TRIO: variants seen among roughly 807,000 people sequenced by gnomAD.
The protein encoded by TRIO is triple functional domain protein.
A neutral mutation model predicts 351.9 loss-of-function variants in TRIO; 58 were observed. The ratio of observed to expected loss-of-function variants is 0.16; its 90% CI spans 0.13 to 0.21. TRIO has a LOEUF of 0.21. Among genes scored for constraint, TRIO ranks in the 10% least tolerant of loss-of-function variants. The probability of loss-of-function intolerance (pLI) is 1.00; values close to 1 mark genes in which losing one functional copy is unlikely to be tolerated. For synonymous variants in TRIO, 1,758 were observed against 1,595.7 expected, an observed-to-expected ratio of 1.10 and a Z score of -2.42; for missense variants, 3,201 against 4,027.8, an observed-to-expected ratio of 0.79 and a Z score of 5.56.
Position 14,381,231 on chromosome 5 carries a change from G to A in TRIO, c.3549G>A (p.Glu1183=). 6.2e-7 allele frequency: 1 copy of A among 1,612,944 alleles called. No homozygotes were observed. Among genetic ancestry groups the A allele is most frequent in the Non-Finnish European group, 8.5e-7 (1 of 1,179,654 alleles). The part of the protein sequence containing the change: ...QHTQELLKEH[E]EFQITAKQTK... ...CCCAGGAGCTCCTGAAAGAGCACGAGGAGTTCCAGATAACTGCAAAGGTGG... is the reference window on the plus strand; with the variant it reads ...CCCAGGAGCTCCTGAAAGAGCACGAAGAGTTCCAGATAACTGCAAAGGTGG... Residue 1183 remains glutamate, a synonymous_variant, in exon 21 of 57, where the codon GAG becomes GAA. Coordinates refer to ENST00000344204, the MANE Select transcript of TRIO (RefSeq NM_007118.4).
intron 1 of TRIO, among the ~76,000 whole-genome samples, chr5:14,216,943 G>C (rs941221106): frequency 1.3e-5 from 2 of 152,216 alleles, no homozygotes; most frequent in African/African-American, 4.8e-5. Context: ...CCAGAGCCAG[G>C]CTCTTAACTG....
At chr5:14,375,698 G>GC in intron 19 of TRIO, among the ~76,000 whole-genome samples, 1 of 152,180 alleles carries the variant, frequency 6.6e-6, no homozygotes, top group East Asian at 1.9e-4. Flanking sequence ...GCTTGAGGAA[G>GC]CCCCGTATCC....
intron 23 of TRIO, among the ~76,000 whole-genome samples, chr5:14,388,276 G>A (rs531852541): frequency 6.6e-6 from 1 of 152,282 alleles, no homozygotes; most frequent in East Asian, 1.9e-4. Context: ...TCACAGTGGG[G>A]AGGGGGAGGG....
intron 11 of TRIO, among the ~76,000 whole-genome samples, chr5:14,341,514 G>C (rs1326131597): frequency 6.6e-6 from 1 of 152,206 alleles, no homozygotes; most frequent in East Asian, 1.9e-4. Context: ...CAGATACTCA[G>C]TGAAAGCCTG....
At chr5:14,277,184 G>A (rs1735599990) in intron 2 of TRIO, among the ~76,000 whole-genome samples, 1 of 152,208 alleles carries the variant, frequency 6.6e-6, no homozygotes, top group South Asian at 2.1e-4. Context: ...TGTTCTAGTG[G>A]AGGAGACAGA....
intron 11 of TRIO, among the ~76,000 whole-genome samples, chr5:14,354,605 A>T (rs1038887697): frequency 1.3e-5 from 2 of 152,188 alleles, no homozygotes; most frequent in African/African-American, 2.4e-5. Flanking sequence ...GGGCTGCAGG[A>T]TTGTAGAGTG....
intron 34 of TRIO, among the ~76,000 whole-genome samples, chr5:14,452,213 C>T (rs973938744): frequency 1.3e-5 from 2 of 152,368 alleles, no homozygotes. Flanking sequence ...GCTCTTCTTC[C>T]CACTCTGGGC....
At chr5:14,436,619 T>C (rs890572948) in intron 34 of TRIO, among the ~76,000 whole-genome samples, 1 of 152,202 alleles carries the variant, frequency 6.6e-6, no homozygotes, top group Non-Finnish European at 1.5e-5. Flanking sequence ...AGCAGGTTAG[T>C]TACTTCCTAG....
intron 34 of TRIO, among the ~76,000 whole-genome samples, chr5:14,443,283 T>G (rs1382237193): frequency 6.6e-6 from 1 of 152,188 alleles, no homozygotes. Context: ...AAATGATCAC[T>G]TCACCATAAA....
At chr5:14,409,179 C>T (rs1453220004) in intron 33 of TRIO, among the ~76,000 whole-genome samples, 4 of 152,092 alleles carry the variant, frequency 2.6e-5, no homozygotes, top group Non-Finnish European at 2.9e-5. Context: ...GCCCCTAAGG[C>T]GCGTGGCTGA....
intron 34 of TRIO, among the ~76,000 whole-genome samples, chr5:14,449,665 A>G (rs373981866): frequency 2.6e-5 from 4 of 152,222 alleles, no homozygotes; most frequent in Non-Finnish European, 5.9e-5. Flanking sequence ...CGTTCAGGAC[A>G]TGTATAACTC....
intron 34 of TRIO, among the ~76,000 whole-genome samples, chr5:14,426,225 T>C (rs1047434841): frequency 8.7e-5 from 9 of 102,902 alleles, no homozygotes; most frequent in Non-Finnish European, 1.2e-4. Flanking sequence ...TAGACGCACA[T>C]GTACACACAC....
intron 34 of TRIO, among the ~76,000 whole-genome samples, chr5:14,422,124 G>A (rs959233335): frequency 2.6e-5 from 4 of 152,152 alleles, no homozygotes; most frequent in African/African-American, 9.7e-5. Context: ...GATATGCAGC[G>A]AGCGAGTTAA....
At position 14,471,346 on chromosome 5, in the gene TRIO, T is replaced by C. The variant is rs749979050; in HGVS notation, c.5792T>C (p.Leu1931Pro). ...CTGGAGGATCGCCCCAGCTCACTCC[T>C]TGTTGACCAGGGAGATAGTAGCAGC... ...MALEDRPSSLLVDQGDSSSPS... is the reference protein window; with the variant it reads ...MALEDRPSSLPVDQGDSSSPS... The change falls in exon 38 of 57, where the codon CTT (leucine) becomes CCT (proline). Residue 1931 changes from leucine to proline, a missense_variant. Around this residue, in one of 19 missense-constraint regions of TRIO, gnomAD observed 307 missense variants for 396.5 expected, o/e 0.77. Coordinates refer to ENST00000344204, the MANE Select transcript of TRIO (RefSeq NM_007118.4). 1.9e-6 allele frequency: 3 copies of C among 1,614,112 alleles called. No individual in the cohort carries two copies. The South Asian group carries it at 3.3e-5, about 18-fold the overall frequency.
chr5:14,206,093 A>T (rs1406977556), intron 1 of TRIO, among the ~76,000 whole-genome samples: 2 of 151,948 alleles, frequency 1.3e-5, no homozygotes, highest in Non-Finnish European at 2.9e-5. Context: ...ATGGTTTCTC[A>T]CTCTGTCACC....
At chr5:14,239,479 A>G (rs1793997061) in intron 1 of TRIO, among the ~76,000 whole-genome samples, 1 of 152,154 alleles carries the variant, frequency 6.6e-6, no homozygotes, top group Admixed American at 6.5e-5. Flanking sequence ...CACCCTCACA[A>G]ACCCCTAGAG....
chr5:14,161,449 G>A (rs1446202130), intron 1 of TRIO, among the ~76,000 whole-genome samples: 1 of 152,162 alleles, frequency 6.6e-6, no homozygotes, highest in East Asian at 1.9e-4. Flanking sequence ...GTGTTGGCAT[G>A]ACACTTTGTG....
chr5:14,404,790 G>A (rs992899756), intron 31 of TRIO, among the ~76,000 whole-genome samples: 1 of 152,160 alleles, frequency 6.6e-6, no homozygotes, highest in Admixed American at 6.5e-5. Context: ...TGTTAGTAAT[G>A]TTAAAGACAG....
intron 10 of TRIO, among the ~76,000 whole-genome samples, chr5:14,332,948 T>A (rs1741041702): frequency 6.6e-6 from 1 of 152,178 alleles, no homozygotes; most frequent in African/African-American, 2.4e-5. Flanking sequence ...TGTTTACGTT[T>A]TGGGACAAGA....
Sources: allele counts gnomAD v4.1 joint callset (sites outside exome capture counted in the v4.1 genomes callset), GRCh38; gene constraint gnomAD v4.1.1; regional missense constraint gnomAD v4.1.1; transcripts MANE v1.5; gene names NCBI Gene and HGNC (gene_info 2026-07-23, HGNC 2026-07-21).